Variants in CADM1 observed in about 807,000 individuals in gnomAD.
CADM1 encodes cell adhesion molecule 1.
A neutral mutation model predicts 53.1 loss-of-function variants in CADM1; 15 were observed. The ratio of observed to expected loss-of-function variants is 0.28; its 90% CI spans 0.19 to 0.44. The LOEUF (loss-of-function observed/expected upper bound fraction) is 0.44. Ranked by LOEUF, CADM1 falls within the 20% of genes least tolerant of loss-of-function variation. CADM1 has a pLI of 1.00. For missense variants in CADM1, 434 were observed against 611.3 expected (o/e 0.71, Z 3.06); for synonymous variants, 281 against 243.0 (o/e 1.16, Z -1.45).
chr11:115,475,446 A>G (rs570441237), intron 1 of CADM1, among the ~76,000 whole-genome samples: 21 of 152,302 alleles, frequency 1.4e-4, no homozygotes, highest in African/African-American at 4.6e-4. Flanking sequence ...ATGAAAACTT[A>G]TGGCTCACAA....
chr11:115,240,626 AATC>A (rs1387084145), intron 1 of CADM1, among the ~76,000 whole-genome samples: 9 of 152,298 alleles, frequency 5.9e-5, no homozygotes, highest in African/African-American at 2.2e-4. Flanking sequence ...CTAAGCCTGG[AATC>A]ATCATACTCT....
chr11:115,321,547 G>A (rs886816262), intron 1 of CADM1, among the ~76,000 whole-genome samples: 2 of 152,080 alleles, frequency 1.3e-5, no homozygotes, highest in Non-Finnish European at 2.9e-5. Context: ...GAATACTAGG[G>A]TAATAAAAAT....
At chr11:115,259,641 A>T (rs906203863) in intron 1 of CADM1, among the ~76,000 whole-genome samples, 2 of 151,996 alleles carry the variant, frequency 1.3e-5, no homozygotes. Context: ...GAGGTGCTTA[A>T]TCTACAGATG....
intron 1 of CADM1, among the ~76,000 whole-genome samples, chr11:115,285,058 A>T (rs991644209): frequency 6.6e-6 from 1 of 152,180 alleles, no homozygotes; most frequent in African/African-American, 2.4e-5. Flanking sequence ...CTAATTTCTT[A>T]TGCTCTCACT....
At chr11:115,256,069 T>C (rs1012190109) in intron 1 of CADM1, among the ~76,000 whole-genome samples, 2 of 152,190 alleles carry the variant, frequency 1.3e-5, no homozygotes, top group South Asian at 4.1e-4. Flanking sequence ...TTTGTGAGCA[T>C]TAGGCCAGTG....
chr11:115,187,992 T>C (rs1419586210), intron 10 of CADM1, among the ~76,000 whole-genome samples: 1 of 152,164 alleles, frequency 6.6e-6, no homozygotes, highest in Admixed American at 6.5e-5. Flanking sequence ...GAATTTCTTT[T>C]TGGTGCCTTT....
At chr11:115,305,545 G>T (rs888842413) in intron 1 of CADM1, among the ~76,000 whole-genome samples, 1 of 152,010 alleles carries the variant, frequency 6.6e-6, no homozygotes, top group Non-Finnish European at 1.5e-5. Context: ...GAGAGCCACA[G>T]CACAATGAGA....
At chr11:115,263,018 T>C (rs1943022577) in intron 1 of CADM1, among the ~76,000 whole-genome samples, 1 of 152,258 alleles carries the variant, frequency 6.6e-6, no homozygotes. Flanking sequence ...TTTTGTAGAC[T>C]GTCCCTCAAT....
intron 1 of CADM1, among the ~76,000 whole-genome samples, chr11:115,460,502 C>T (rs571108852): frequency 1.1e-4 from 17 of 152,274 alleles, no homozygotes; most frequent in African/African-American, 3.1e-4. Flanking sequence ...ATTAACCTTT[C>T]GCTACTGGAT....
intron 1 of CADM1, among the ~76,000 whole-genome samples, chr11:115,344,837 C>G (rs1853005362): frequency 6.6e-6 from 1 of 152,158 alleles, no homozygotes; most frequent in Non-Finnish European, 1.5e-5. Flanking sequence ...CTCTCCTGCT[C>G]AGTCATCCTC....
intron 1 of CADM1, among the ~76,000 whole-genome samples, chr11:115,357,677 G>A (rs1311540798): frequency 1.3e-5 from 2 of 152,180 alleles, no homozygotes; most frequent in African/African-American, 2.4e-5. Flanking sequence ...ATAACATAAT[G>A]TATTTTGAGC....
chr11:115,172,816 G>A lies in CADM1; in HGVS notation c.*3658C>T, dbSNP rs1448961492. 1 of 138,584 alleles carries A rather than the reference G, an allele frequency of 7.2e-6. No individual in the cohort carries two copies. The highest frequency in any genetic ancestry group is 1.5e-5 in the Non-Finnish European group (1 of 66,358). 8.6% of individuals were successfully genotyped at this position (138,584 alleles called of 1,614,324 possible). On this transcript the variant is annotated 3_prime_UTR_variant, in exon 12 of 12. Transcript: ENST00000331581. ...GAAGTGGCTCAAGGGGAGATGCACA[G>A]CCTTCAGTCTTTCTGGAGCTTACCT...
At chr11:115,366,943 A>G (rs961885275) in intron 1 of CADM1, among the ~76,000 whole-genome samples, 1 of 152,250 alleles carries the variant, frequency 6.6e-6, no homozygotes, top group Non-Finnish European at 1.5e-5. Context: ...TGTGTGGTCA[A>G]TGCTTCCTTT....
intron 1 of CADM1, among the ~76,000 whole-genome samples, chr11:115,287,224 T>C (rs576028600): frequency 1.8e-4 from 28 of 152,332 alleles, no homozygotes; most frequent in Admixed American, 6.5e-4. Flanking sequence ...TACACTGATA[T>C]TCTACAGCAC....
chr11:115,434,555 T>C (rs776439227), intron 1 of CADM1, among the ~76,000 whole-genome samples: 2 of 152,170 alleles, frequency 1.3e-5, no homozygotes, highest in Non-Finnish European at 2.9e-5. Context: ...GTTTCTTTTA[T>C]AAAACAGAGA....
chr11:115,335,432 T>C (rs559994655), intron 1 of CADM1, among the ~76,000 whole-genome samples: 16 of 152,244 alleles, frequency 1.1e-4, no homozygotes, highest in African/African-American at 3.9e-4. Context: ...TGTTGAAGTA[T>C]ATGGGAAATA....
chr11:115,375,425 T>G (rs1196018304), intron 1 of CADM1, among the ~76,000 whole-genome samples: 2 of 152,166 alleles, frequency 1.3e-5, no homozygotes, highest in African/African-American at 4.8e-5. Context: ...TCGGTAATGG[T>G]TACTCGGGTG....
chr11:115,376,477 A>C (rs1401138027), intron 1 of CADM1, among the ~76,000 whole-genome samples: 1 of 152,176 alleles, frequency 6.6e-6, no homozygotes. Flanking sequence ...GGGAGAAGAC[A>C]AAAGAGAGGT....
intron 1 of CADM1, among the ~76,000 whole-genome samples, chr11:115,267,817 G>A (rs528406064): frequency 2.0e-5 from 3 of 151,048 alleles, no homozygotes; most frequent in East Asian, 1.9e-4. Flanking sequence ...TTTAACCTCC[G>A]AGAAGGACAC....
Sources: allele counts gnomAD v4.1 joint callset (sites outside exome capture counted in the v4.1 genomes callset), GRCh38; gene constraint gnomAD v4.1.1; transcripts MANE v1.5; gene names NCBI Gene and HGNC (gene_info 2026-07-23, HGNC 2026-07-21).